Variants in CYSLTR1 observed in about 807,000 individuals in gnomAD.
CYSLTR1 encodes the protein cysteinyl leukotriene receptor 1.
In CYSLTR1, 1 loss-of-function variant was observed where a neutral mutation model predicts 2.1. The observed-to-expected ratio is 0.48, with a 90% CI of 0.17 to 2.28. The LOEUF is 2.28. Among genes scored for constraint, CYSLTR1 ranks in the 30% most tolerant of loss-of-function variants. The pLI is 0.26. For synonymous variants in CYSLTR1, 110 were observed against 89.6 expected, an observed-to-expected ratio of 1.23 and a Z score of -1.28; for missense variants, 299 against 250.1, an observed-to-expected ratio of 1.20 and a Z score of -1.32.
chrX:78,322,482 G>A (rs1487933162), intron 1 of CYSLTR1, among the ~76,000 whole-genome samples: 6 of 111,683 alleles, frequency 5.4e-5, no homozygotes, highest in Non-Finnish European at 1.1e-4. Context: ...TGTATTTGAT[G>A]TTTATTGAGT....
intron 1 of CYSLTR1, chrX:78,320,005 A>T (rs1569552538): frequency 9.0e-6 from 1 of 111,678 alleles, no homozygotes; most frequent in African/African-American, 3.3e-5. Context: ...GATTCTGGAT[A>T]TTGGCCCTTT....
At chrX:78,306,791 GA>G (rs1267238808) in intron 1 of CYSLTR1, among the ~76,000 whole-genome samples, 12 of 111,076 alleles carry the variant, frequency 1.1e-4, no homozygotes, top group African/African-American at 2.9e-4. Flanking sequence ...TATCAGAGAG[GA>G]AAAAAATGAA....
chrX:78,283,416 T>C (rs1921920119), intron 2 of CYSLTR1, 38 bp downstream of exon 2: 1 of 112,742 alleles, frequency 8.9e-6, no homozygotes, highest in South Asian at 3.6e-4. Flanking sequence ...TAACTGCAAG[T>C]TGAAAAAGCA....
intron 1 of CYSLTR1, among the ~76,000 whole-genome samples, chrX:78,305,901 A>G (rs1923015343): frequency 8.9e-6 from 1 of 112,934 alleles, no homozygotes; most frequent in African/African-American, 3.2e-5. Flanking sequence ...CATTTGGCAG[A>G]ACTATTTACA....
Position 78,273,560 on chromosome X carries a change from T to A in CYSLTR1, c.187A>T (p.Ile63Phe), listed in dbSNP as rs1248276641. 1 of 1,211,629 alleles carries A rather than the reference T, an allele frequency of 8.3e-7. No individual in the cohort carries two copies. Among genetic ancestry groups the A allele is most frequent in the Non-Finnish European group, 1.1e-6 (1 of 895,485 alleles). Residue 63 changes from isoleucine to phenylalanine, a missense_variant, in exon 3 of 3, where the codon ATT (isoleucine) becomes TTT (phenylalanine). By Grantham distance (21) the Ile-to-Phe change is conservative. Transcript: ENST00000373304. ...AGTAGATCTGCTACTGCTAAATTAA[T>A]CATGTATACTTGGAAGGCTGACTTC... ...HKKSAFQVYM[I>F]NLAVADLLCV...
At chrX:78,326,824 T>C (rs1180176750) in intron 1 of CYSLTR1, among the ~76,000 whole-genome samples, 1 of 112,053 alleles carries the variant, frequency 8.9e-6, no homozygotes, top group Non-Finnish European at 1.9e-5. Context: ...ACCTACCTTG[T>C]CTAAATTATA....
intron 2 of CYSLTR1, among the ~76,000 whole-genome samples, chrX:78,282,114 T>A (rs947548806): frequency 8.9e-6 from 1 of 112,179 alleles, no homozygotes; most frequent in Non-Finnish European, 1.9e-5. Flanking sequence ...ACTGTCTTTT[T>A]TTCTTCTTGA....
intron 1 of CYSLTR1, among the ~76,000 whole-genome samples, chrX:78,308,753 A>G (rs1370181054): frequency 2.7e-5 from 3 of 110,775 alleles, no homozygotes; most frequent in Non-Finnish European, 5.7e-5. Context: ...CTTAACTGAA[A>G]CTCCTTAGGA....
chrX:78,308,817 T>G (rs1231552368), intron 1 of CYSLTR1, among the ~76,000 whole-genome samples: 1 of 111,630 alleles, frequency 9.0e-6, no homozygotes, highest in East Asian at 2.8e-4. Context: ...ACTCAGGGCT[T>G]GGGACATGGT....
chrX:78,317,523 T>C (rs946537289), intron 1 of CYSLTR1, among the ~76,000 whole-genome samples: 3 of 112,569 alleles, frequency 2.7e-5, no homozygotes, highest in Admixed American at 1.9e-4. Context: ...AAAAGACACA[T>C]GCACATGCAT....
At chrX:78,317,140 A>G (rs1344114528) in intron 1 of CYSLTR1, among the ~76,000 whole-genome samples, 1 of 112,389 alleles carries the variant, frequency 8.9e-6, no homozygotes, top group African/African-American at 3.2e-5. Context: ...TCAGCAAGAA[A>G]AAAACAAATA....
intron 1 of CYSLTR1, among the ~76,000 whole-genome samples, chrX:78,307,476 C>A (rs1923072618): frequency 8.9e-6 from 1 of 111,842 alleles, no homozygotes; most frequent in African/African-American, 3.3e-5. Flanking sequence ...CTGATACTTT[C>A]TCTGATGTCT....
intron 1 of CYSLTR1, among the ~76,000 whole-genome samples, chrX:78,308,779 A>G (rs963050527): frequency 7.2e-5 from 8 of 111,532 alleles, no homozygotes; most frequent in Non-Finnish European, 1.1e-4. Flanking sequence ...AGCAGGTTTC[A>G]CTCATCTTTG....
chrX:78,298,612 T>A (rs1922678746), intron 1 of CYSLTR1, among the ~76,000 whole-genome samples: 1 of 111,830 alleles, frequency 8.9e-6, no homozygotes, highest in East Asian at 2.8e-4. Context: ...AATTGACCCA[T>A]TTAAGATAAT....
chrX:78,320,239 T>C (rs2147276823), intron 1 of CYSLTR1: 1 of 112,248 alleles, frequency 8.9e-6, no homozygotes, highest in Non-Finnish European at 1.9e-5. Context: ...TTTTATGGTT[T>C]TAGGTCTAAT....
At chrX:78,290,429 T>A (rs1007078872) in intron 1 of CYSLTR1, among the ~76,000 whole-genome samples, 1 of 111,933 alleles carries the variant, frequency 8.9e-6, no homozygotes, top group African/African-American at 3.3e-5. Flanking sequence ...GGCTTAGGAT[T>A]GTCTTGGCAA....
intron 1 of CYSLTR1, among the ~76,000 whole-genome samples, chrX:78,324,229 G>A (rs978383915): frequency 8.9e-6 from 1 of 112,267 alleles, no homozygotes; most frequent in Non-Finnish European, 1.9e-5. Flanking sequence ...ATTGTAACAT[G>A]AATTAATGGA....
intron 1 of CYSLTR1, among the ~76,000 whole-genome samples, chrX:78,291,369 T>C (rs1218692602): frequency 8.9e-6 from 1 of 112,010 alleles, no homozygotes; most frequent in Non-Finnish European, 1.9e-5. Flanking sequence ...CAGTATTTTA[T>C]TGAGAATTTT....
intron 1 of CYSLTR1, among the ~76,000 whole-genome samples, chrX:78,317,199 A>G (rs946589475): frequency 8.9e-6 from 1 of 112,751 alleles, no homozygotes; most frequent in African/African-American, 3.2e-5. Context: ...TTCTCAAAAG[A>G]AGATATACAA....
Sources: allele counts gnomAD v4.1 joint callset (sites outside exome capture counted in the v4.1 genomes callset), GRCh38; gene constraint gnomAD v4.1.1; transcripts MANE v1.5; gene names NCBI Gene and HGNC (gene_info 2026-07-23, HGNC 2026-07-21).